Variants in PRKCH observed in about 807,000 individuals in gnomAD.
The protein encoded by PRKCH is protein kinase C eta, also known as protein kinase C eta type.
PRKCH carries 28 observed loss-of-function variants against 82.5 expected under a neutral mutation model. The ratio of observed to expected loss-of-function variants is 0.34; its 90% CI spans 0.25 to 0.47. PRKCH has a LOEUF of 0.47. Among genes scored for constraint, PRKCH ranks in the 20% least tolerant of loss-of-function variants. The pLI, the probability that PRKCH is intolerant of heterozygous loss-of-function variation, is 1.00. For missense variants in PRKCH, 705 were observed against 881.8 expected (o/e 0.80, Z 2.54); for synonymous variants, 322 against 327.4 (o/e 0.98, Z 0.18).
intron 1 of PRKCH, among the ~76,000 whole-genome samples, chr14:61,245,444 A>G (rs1262935963): frequency 6.6e-6 from 1 of 152,222 alleles, no homozygotes; most frequent in African/African-American, 2.4e-5. Flanking sequence ...GAGGAATGGC[A>G]GGAAACTCTC....
intron 1 of PRKCH, among the ~76,000 whole-genome samples, chr14:61,313,119 C>CTGAG (rs1176681384): frequency 6.6e-6 from 1 of 152,152 alleles, no homozygotes; most frequent in Non-Finnish European, 1.5e-5. Context: ...TGGATGGTCA[C>CTGAG]TGAGTATACC....
intron 1 of PRKCH, among the ~76,000 whole-genome samples, chr14:61,308,247 G>A (rs2045496857): frequency 6.6e-6 from 1 of 152,200 alleles, no homozygotes. Context: ...AACATAGCTT[G>A]TGCATTTACG....
chr14:61,299,860 C>T (rs906022616), intron 1 of PRKCH: 7 of 152,190 alleles, frequency 4.6e-5, no homozygotes, highest in Non-Finnish European at 8.8e-5. Flanking sequence ...AGTTAACAAA[C>T]TGTATTGTTA....
At chr14:61,469,478 G>T (rs1451810463) in intron 9 of PRKCH, among the ~76,000 whole-genome samples, 2 of 152,198 alleles carry the variant, frequency 1.3e-5, no homozygotes, top group Non-Finnish European at 2.9e-5. Context: ...CCCCTCGGGT[G>T]TGGGCTGCAG....
intron 12 of PRKCH, among the ~76,000 whole-genome samples, chr14:61,533,717 G>A (rs774891128): frequency 4.6e-5 from 7 of 152,208 alleles, no homozygotes; most frequent in African/African-American, 1.4e-4. Context: ...GGGCTACTGC[G>A]TGGTTGGCAT....
At chr14:61,259,405 A>G (rs1423192251) in intron 1 of PRKCH, among the ~76,000 whole-genome samples, 4 of 152,192 alleles carry the variant, frequency 2.6e-5, no homozygotes, top group South Asian at 2.1e-4. Context: ...AACGATACCA[A>G]TATAAATAAA....
chr14:61,251,933 G>A (rs1447406328), intron 1 of PRKCH, among the ~76,000 whole-genome samples: 7 of 151,962 alleles, frequency 4.6e-5, no homozygotes, highest in Non-Finnish European at 8.8e-5. Context: ...TCCACCTACT[G>A]ACTTCAAGCA....
intron 1 of PRKCH, among the ~76,000 whole-genome samples, chr14:61,361,605 T>G (rs2046226120): frequency 6.6e-6 from 1 of 152,194 alleles, no homozygotes; most frequent in Non-Finnish European, 1.5e-5. Flanking sequence ...TATAGGTAGA[T>G]AGGAACATGG....
rs78033767 is a variant in PRKCH at position 61,203,413 on chromosome 14, A to G, written c.-19+15745A>G. ...TGGGAAAGCCAGCACAGAGAAGCAG[A>G]TAATGCCAGGAAACATCTCAGGCAT... On this transcript the variant is annotated intron_variant, in intron 1 of 3. Transcript: ENST00000555185. Among the ~76,000 whole-genome samples the G allele has an allele frequency of 5.0e-3, 760 of 152,294 alleles. 15 individuals carry two copies. Among genetic ancestry groups the G allele is most frequent in the African/African-American group, 0.017 (704 of 41,560 alleles).
chr14:61,439,398 C>T (rs1375110851), intron 2 of PRKCH, among the ~76,000 whole-genome samples: 1 of 152,076 alleles, frequency 6.6e-6, no homozygotes, highest in African/African-American at 2.4e-5. Flanking sequence ...CTTTATGTGA[C>T]CAAATGTCTT....
At chr14:61,284,750 C>T (rs2045299932) in intron 1 of PRKCH, among the ~76,000 whole-genome samples, 1 of 152,080 alleles carries the variant, frequency 6.6e-6, no homozygotes, top group Non-Finnish European at 1.5e-5. Flanking sequence ...TTTTTTGTAT[C>T]AGTGTTATTA....
At chr14:61,221,188 TG>T (rs1324628145) in intron 1 of PRKCH, among the ~76,000 whole-genome samples, 1 of 152,150 alleles carries the variant, frequency 6.6e-6, no homozygotes, top group Admixed American at 6.6e-5. Flanking sequence ...CAGAGGGAGC[TG>T]GAGAGCCCAC....
chr14:61,202,346 C>G (rs1042815082), intron 1 of PRKCH, among the ~76,000 whole-genome samples: 5 of 152,330 alleles, frequency 3.3e-5, no homozygotes, highest in Admixed American at 3.3e-4. Flanking sequence ...TGTGTCTTAC[C>G]ATTCTAATCC....
intron 1 of PRKCH, among the ~76,000 whole-genome samples, chr14:61,263,032 A>C (rs2045064136): frequency 6.6e-6 from 1 of 152,158 alleles, no homozygotes; most frequent in African/African-American, 2.4e-5. Context: ...TCATTGGTCC[A>C]TTTGTAGCTA....
At chr14:61,403,177 G>T (rs1335196713) in intron 2 of PRKCH, among the ~76,000 whole-genome samples, 1 of 152,072 alleles carries the variant, frequency 6.6e-6, no homozygotes, top group Non-Finnish European at 1.5e-5. Context: ...AATTGTTATT[G>T]TTTTTAATAA....
chr14:61,292,311 C>CAAAA (rs758667290), intron 1 of PRKCH, among the ~76,000 whole-genome samples: 1 of 91,892 alleles, frequency 1.1e-5, no homozygotes, highest in South Asian at 3.4e-4. Context: ...CCTGTCTCTA[C>CAAAA]AAAAAAAAAA....
intron 1 of PRKCH, among the ~76,000 whole-genome samples, chr14:61,210,828 A>G (rs544553364): frequency 6.7e-6 from 1 of 150,362 alleles, no homozygotes; most frequent in East Asian, 2.0e-4. Flanking sequence ...GCACGCGTGC[A>G]TTCCATATTG....
intron 1 of PRKCH, chr14:61,344,207 G>C (rs2045963200): frequency 6.6e-6 from 1 of 152,188 alleles, no homozygotes; most frequent in Non-Finnish European, 1.5e-5. Flanking sequence ...TGCCGCCAGA[G>C]TTGCTGCTTA....
chr14:61,361,377 T>C (rs1380702668), intron 1 of PRKCH, among the ~76,000 whole-genome samples: 1 of 152,224 alleles, frequency 6.6e-6, no homozygotes, highest in African/African-American at 2.4e-5. Context: ...TAGGTAATTA[T>C]CACAGTGTTG....
Sources: allele counts gnomAD v4.1 joint callset (sites outside exome capture counted in the v4.1 genomes callset), GRCh38; gene constraint gnomAD v4.1.1; transcripts MANE v1.5; gene names NCBI Gene and HGNC (gene_info 2026-07-23, HGNC 2026-07-21).